MAMDC2: variants seen among roughly 807,000 people sequenced by gnomAD.
The protein encoded by MAMDC2 is MAM domain containing 2, also known as MAM domain-containing protein 2.
A neutral mutation model predicts 89.8 loss-of-function variants in MAMDC2; 57 were observed. The observed-to-expected ratio is 0.63, with a 90% CI of 0.51 to 0.79. The LOEUF (loss-of-function observed/expected upper bound fraction) is 0.79. Among genes scored for constraint, MAMDC2 ranks in the 30% least tolerant of loss-of-function variants. The pLI, the probability that MAMDC2 is intolerant of heterozygous loss-of-function variation, is 0.00. For synonymous variants in MAMDC2, 313 were observed against 293.4 expected, an observed-to-expected ratio of 1.07 and a Z score of -0.68; for missense variants, 800 against 820.6, an observed-to-expected ratio of 0.97 and a Z score of 0.31.
At chr9:70,056,931 G>A (rs1291796132) in intron 2 of MAMDC2, among the ~76,000 whole-genome samples, 2 of 152,150 alleles carry the variant, frequency 1.3e-5, no homozygotes, top group East Asian at 3.8e-4. Context: ...CTGATGATCT[G>A]TCACTGCCTC....
chr9:70,202,537 T>C (rs867791397), intron 11 of MAMDC2, among the ~76,000 whole-genome samples: 5,006 of 150,692 alleles, frequency 0.033, 242 homozygotes, highest in African/African-American at 0.1. Context: ...TTCTGTTGAT[T>C]TGGGGTGGAG....
intron 2 of MAMDC2, among the ~76,000 whole-genome samples, chr9:70,053,124 G>C (rs1045719622): frequency 2.0e-5 from 3 of 152,170 alleles, no homozygotes; most frequent in Admixed American, 2.0e-4. Context: ...CACCTTGATG[G>C]TTAAAAGCAC....
At chr9:70,064,750 C>T (rs1827226887) in intron 2 of MAMDC2, among the ~76,000 whole-genome samples, 1 of 152,114 alleles carries the variant, frequency 6.6e-6, no homozygotes, top group South Asian at 2.1e-4. Flanking sequence ...GAAGGTACTC[C>T]AAAGGCCTCT....
At chr9:70,105,023 C>T (rs1247447447) in intron 2 of MAMDC2, among the ~76,000 whole-genome samples, 3 of 151,716 alleles carry the variant, frequency 2.0e-5, no homozygotes, top group South Asian at 4.2e-4. Context: ...AAGAAAACTT[C>T]GTTAATTCAC....
intron 2 of MAMDC2, among the ~76,000 whole-genome samples, chr9:70,076,737 T>C (rs1375270046): frequency 6.6e-6 from 1 of 152,174 alleles, no homozygotes; most frequent in African/African-American, 2.4e-5. Context: ...TTGCTTGTGG[T>C]AGAATGTTTT....
rs1317637544 is a variant in MAMDC2, at chr9:70,226,505, G to GAGTT, written c.*477_*480dup. On this transcript the variant is annotated 3_prime_UTR_variant, in exon 14 of 14. Coordinates refer to ENST00000377182, the MANE Select transcript of MAMDC2 (RefSeq NM_153267.5). ...AATGAATGCAGTCTTTCATGCTAAT[G>GAGTT]AGTTAGTCTGGAAAAATAAAGTCTT... 5.9e-5 allele frequency: 9 copies of GAGTT among 152,626 alleles called. No individual in the cohort carries two copies. In the East Asian group the frequency reaches 1.7e-3, roughly 29 times the overall value. 9.5% of individuals were successfully genotyped at this position (152,626 alleles called of 1,614,324 possible).
intron 9 of MAMDC2, among the ~76,000 whole-genome samples, chr9:70,166,506 T>C (rs1450984001): frequency 6.6e-6 from 1 of 152,082 alleles, no homozygotes; most frequent in African/African-American, 2.4e-5. Flanking sequence ...TTTATTTAGT[T>C]TTTTCACTTA....
At position 70,218,253 on chromosome 9, in the gene MAMDC2, T is replaced by A; in HGVS notation, c.1652-84T>A. 2.1e-6 allele frequency: 3 copies of A among 1,443,176 alleles called. No individual in the cohort carries two copies. In the Admixed American group the frequency reaches 6.3e-5, roughly 30 times the overall value. The allele number at this position is 1,443,176 out of a possible 1,614,324, so 89.4% of individuals were successfully genotyped here. A position where few individuals can be genotyped will look rare whatever the true frequency, so the allele number is the denominator to read the frequency against. On this transcript the variant is annotated intron_variant, in intron 11 of 13. Transcript: ENST00000377182. ...GTACTTTTAGTCAGATCATCTTGAC[T>A]TGACACTCTGAAAGAACATTATGAA...
intron 8 of MAMDC2, among the ~76,000 whole-genome samples, chr9:70,142,705 A>G (rs2031266700): frequency 1.3e-5 from 2 of 152,246 alleles, no homozygotes; most frequent in South Asian, 4.1e-4. Context: ...TGGTGTATGG[A>G]GGCATAGAGA....
At chr9:70,168,428 G>A (rs796299202) in intron 9 of MAMDC2, among the ~76,000 whole-genome samples, 7 of 152,330 alleles carry the variant, frequency 4.6e-5, no homozygotes, top group African/African-American at 1.7e-4. Flanking sequence ...GTAGGCAGAG[G>A]TTGCAGTGAG....
chr9:70,113,738 G>A (rs962172271), intron 5 of MAMDC2: 3 of 152,896 alleles, frequency 2.0e-5, no homozygotes, highest in African/African-American at 7.2e-5. Flanking sequence ...TTACTTGTGG[G>A]TTACCACTGC....
chr9:70,143,411 C>T (rs1279855285), intron 8 of MAMDC2, 143 bp from the exon 9 acceptor site: 1 of 873,270 alleles, frequency 1.1e-6, no homozygotes, highest in East Asian at 2.6e-5. Context: ...GTCACTTAAG[C>T]CACAGACATT....
chr9:70,201,838 C>A (rs1046862835), intron 11 of MAMDC2, among the ~76,000 whole-genome samples: 2 of 142,718 alleles, frequency 1.4e-5, no homozygotes, highest in African/African-American at 2.7e-5. Context: ...AGTTTATTTG[C>A]GTAGAGGTGT....
chr9:70,144,589 C>A (rs572327740), intron 9 of MAMDC2, among the ~76,000 whole-genome samples: 53 of 152,236 alleles, frequency 3.5e-4, no homozygotes, highest in Non-Finnish European at 3.7e-4. Context: ...AGTATCCTGT[C>A]GTGTAAGAAA....
At chr9:70,177,804 C>A (rs1228894742) in intron 11 of MAMDC2, among the ~76,000 whole-genome samples, 1 of 152,158 alleles carries the variant, frequency 6.6e-6, no homozygotes, top group East Asian at 1.9e-4. Flanking sequence ...TACTAAGAGA[C>A]CACACATGGC....
At chr9:70,180,199 T>C (rs2032610045) in intron 11 of MAMDC2, among the ~76,000 whole-genome samples, 1 of 152,200 alleles carries the variant, frequency 6.6e-6, no homozygotes, top group South Asian at 2.1e-4. Context: ...GAACTCATTC[T>C]TTTTTATGGC....
At chr9:70,205,479 C>T (rs771931151) in intron 11 of MAMDC2, among the ~76,000 whole-genome samples, 7 of 152,168 alleles carry the variant, frequency 4.6e-5, no homozygotes, top group Non-Finnish European at 7.3e-5. Context: ...AGCTAGCTGT[C>T]CATTCCACAC....
chr9:70,191,647 T>C (rs2032883170), intron 11 of MAMDC2, among the ~76,000 whole-genome samples: 1 of 152,078 alleles, frequency 6.6e-6, no homozygotes, highest in Non-Finnish European at 1.5e-5. Context: ...GTCACCTCAG[T>C]CCAATCAGAA....
At chr9:70,159,908 G>A (rs909013263) in intron 9 of MAMDC2, among the ~76,000 whole-genome samples, 1 of 152,002 alleles carries the variant, frequency 6.6e-6, no homozygotes, top group Non-Finnish European at 1.5e-5. Flanking sequence ...CAGCCCGGAG[G>A]CCTATTAGAA....
Sources: allele counts gnomAD v4.1 joint callset (sites outside exome capture counted in the v4.1 genomes callset), GRCh38; gene constraint gnomAD v4.1.1; transcripts MANE v1.5; gene names NCBI Gene and HGNC (gene_info 2026-07-23, HGNC 2026-07-21).